The following TP63 variants were observed in gnomAD, a reference collection of about 807,000 sequenced individuals.
TP63 encodes tumor protein p63.
In TP63, 17 loss-of-function variants were observed where a neutral mutation model predicts 82.8. The observed-to-expected ratio is 0.21, with a 90% CI of 0.14 to 0.31. TP63 has a LOEUF of 0.31. TP63 is among the 10% of genes least tolerant of loss of function. The pLI is 1.00. For missense variants in TP63, 648 were observed against 895.3 expected, an observed-to-expected ratio of 0.72 and a Z score of 3.52; for synonymous variants, 330 against 321.7, an observed-to-expected ratio of 1.03 and a Z score of -0.28.
chr3:189,674,713 G>A (rs555398911), intron 1 of TP63, among the ~76,000 whole-genome samples: 4 of 152,236 alleles, frequency 2.6e-5, no homozygotes, highest in Admixed American at 2.0e-4. Flanking sequence ...GTCAGAGAAG[G>A]CACTGAAGCA....
At chr3:189,809,321 G>A (rs1416055318) in intron 4 of TP63, among the ~76,000 whole-genome samples, 2 of 152,096 alleles carry the variant, frequency 1.3e-5, no homozygotes, top group African/African-American at 4.8e-5. Flanking sequence ...AAATCTTTCT[G>A]TATATAACTT....
intron 1 of TP63, among the ~76,000 whole-genome samples, chr3:189,724,385 GT>G (rs1010720674): frequency 6.6e-6 from 1 of 152,138 alleles, no homozygotes; most frequent in Non-Finnish European, 1.5e-5. Context: ...ACATAAGTAA[GT>G]TTTTTAGAGG....
intron 1 of TP63, among the ~76,000 whole-genome samples, chr3:189,679,916 A>G (rs950685753): frequency 6.6e-6 from 1 of 152,300 alleles, no homozygotes; most frequent in African/African-American, 2.4e-5. Flanking sequence ...TGGAAAAAAC[A>G]ATTAACCACA....
chr3:189,603,919 T>G, the TP63 span, among the ~76,000 whole-genome samples: 1 of 152,094 alleles, frequency 6.6e-6, no homozygotes, highest in African/African-American at 2.4e-5. Flanking sequence ...AAAATTTTCT[T>G]TTCCTAAGAT....
At chr3:189,704,192 A>AGT (rs779177235) in intron 1 of TP63, among the ~76,000 whole-genome samples, 2 of 152,334 alleles carry the variant, frequency 1.3e-5, no homozygotes, top group Admixed American at 1.3e-4. Context: ...TGTAGGCAAT[A>AGT]GTGTGTGTGT....
chr3:189,845,133 G>A (rs900678990), intron 4 of TP63, among the ~76,000 whole-genome samples: 2 of 152,164 alleles, frequency 1.3e-5, no homozygotes, highest in African/African-American at 4.8e-5. Flanking sequence ...CTTGATTAAC[G>A]GAATTGTTCT....
the TP63 span, among the ~76,000 whole-genome samples, chr3:189,602,460 G>A: frequency 2.0e-5 from 3 of 152,130 alleles, no homozygotes; most frequent in Non-Finnish European, 2.9e-5. Context: ...AGAAAGGAGG[G>A]AGGAGGGAGG....
chr3:189,815,988 A>G (rs1252037794), intron 4 of TP63, among the ~76,000 whole-genome samples: 2 of 152,162 alleles, frequency 1.3e-5, no homozygotes, highest in Non-Finnish European at 2.9e-5. Flanking sequence ...AATGGCATGC[A>G]GGATTGGATA....
chr3:189,880,186 T>A (rs376426724), intron 10 of TP63: 1 of 1,611,130 alleles, frequency 6.2e-7, no homozygotes, highest in African/African-American at 1.3e-5. Context: ...TAGAGCCCTA[T>A]CTCTATATTT....
rs536320380 is a variant in TP63 at position 189,896,671 on chromosome 3, T to C, written c.*2169T>C. ...GAATAAACCTAGGACTTCCGAGCTA[T>C]GTCAGTACTATTCAGGTAACACTAG... On this transcript the variant is annotated 3_prime_UTR_variant, in exon 14 of 14. Transcript: ENST00000264731. The C allele has an allele frequency of 4.9e-6, 1 of 205,406 alleles. No homozygotes were observed. The highest frequency in any genetic ancestry group is 2.3e-5 in the African/African-American group (1 of 43,922). The allele number at this position is 205,406 out of a possible 1,614,324, so 12.7% of individuals were successfully genotyped here.
chr3:189,791,331 T>C (rs140044678), intron 3 of TP63, among the ~76,000 whole-genome samples: 6 of 152,258 alleles, frequency 3.9e-5, no homozygotes, highest in African/African-American at 1.4e-4. Context: ...ACAAGGTTGA[T>C]GTAAAGTGGC....
At chr3:189,859,498 A>T (rs572456549) in intron 4 of TP63, among the ~76,000 whole-genome samples, 1 of 152,352 alleles carries the variant, frequency 6.6e-6, no homozygotes, top group South Asian at 2.1e-4. Flanking sequence ...TGTTAATTTA[A>T]ACCACAATGA....
At chr3:189,650,518 T>C (rs1712800728) in intron 1 of TP63, among the ~76,000 whole-genome samples, 1 of 146,210 alleles carries the variant, frequency 6.8e-6, no homozygotes, top group Non-Finnish European at 1.5e-5. Flanking sequence ...TAGTGAGTTC[T>C]TATGAGATCT....
At chr3:189,827,757 A>G (rs1016926617) in intron 4 of TP63, among the ~76,000 whole-genome samples, 1 of 152,194 alleles carries the variant, frequency 6.6e-6, no homozygotes, top group South Asian at 2.1e-4. Context: ...ACAGAGCCAG[A>G]TTGAGATGGG....
At chr3:189,788,134 A>G (rs1311413915) in intron 3 of TP63, among the ~76,000 whole-genome samples, 1 of 150,724 alleles carries the variant, frequency 6.6e-6, no homozygotes, top group Non-Finnish European at 1.5e-5. Flanking sequence ...AATTATAGGT[A>G]GAAAGAGAGA....
intron 3 of TP63, among the ~76,000 whole-genome samples, chr3:189,754,970 A>G (rs1290433341): frequency 6.6e-6 from 1 of 150,412 alleles, no homozygotes; most frequent in African/African-American, 2.4e-5. Context: ...GCTTTTTTTT[A>G]GGGCTTTATG....
chr3:189,857,038 A>G (rs1913720), intron 4 of TP63, among the ~76,000 whole-genome samples: 64,146 of 151,870 alleles, frequency 0.42, 13,937 homozygotes, highest in African/African-American at 0.52. Context: ...TAAATTTTGT[A>G]TGGAAAAATC....
At chr3:189,741,024 G>A (rs969322486) in intron 3 of TP63, among the ~76,000 whole-genome samples, 1 of 152,100 alleles carries the variant, frequency 6.6e-6, no homozygotes, top group East Asian at 1.9e-4. Context: ...GTACATAGTA[G>A]GTCCCCATAG....
At chr3:189,872,648 G>T (rs1414119530) in intron 9 of TP63, among the ~76,000 whole-genome samples, 1 of 152,124 alleles carries the variant, frequency 6.6e-6, no homozygotes, top group African/African-American at 2.4e-5. Context: ...AACCAGCTGG[G>T]AATGCACACA....
Sources: allele counts gnomAD v4.1 joint callset (sites outside exome capture counted in the v4.1 genomes callset), GRCh38; gene constraint gnomAD v4.1.1; transcripts MANE v1.5; gene names NCBI Gene and HGNC (gene_info 2026-07-23, HGNC 2026-07-21).